The following PRELID2 variants were observed in gnomAD, a reference collection of about 807,000 sequenced individuals.
The protein encoded by PRELID2 is PRELI domain containing 2, also known as PRELI domain-containing protein 2.
A neutral mutation model predicts 28.4 loss-of-function variants in PRELID2; 25 were observed. The observed-to-expected ratio is 0.88, with a 90% confidence interval of 0.64 to 1.23. The LOEUF is 1.23. PRELID2 is among the 50% of genes most tolerant of loss of function. The probability of loss-of-function intolerance (pLI) is 0.00; values close to 1 mark genes in which losing one functional copy is unlikely to be tolerated. For missense variants in PRELID2, 201 were observed against 214.4 expected, an observed-to-expected ratio of 0.94 and a Z score of 0.39; for synonymous variants, 76 against 71.6, an observed-to-expected ratio of 1.06 and a Z score of -0.31.
intron 1 of PRELID2, among the ~76,000 whole-genome samples, chr5:145,683,337 T>C (rs1035795471): frequency 6.6e-6 from 1 of 152,224 alleles, no homozygotes; most frequent in African/African-American, 2.4e-5. Context: ...ACTGTTATTA[T>C]TGAACATGAT....
chr5:145,417,329 G>T, the PRELID2 span, among the ~76,000 whole-genome samples: 1 of 152,002 alleles, frequency 6.6e-6, no homozygotes, highest in South Asian at 2.1e-4. Context: ...ACAAAGAAGA[G>T]CTGTTGCCAT....
At chr5:145,435,697 T>C in the PRELID2 span, among the ~76,000 whole-genome samples, 1 of 152,184 alleles carries the variant, frequency 6.6e-6, no homozygotes, top group Non-Finnish European at 1.5e-5. Flanking sequence ...AAGTTTTATA[T>C]AAAGGGACTT....
chr5:145,260,207 G>A, the PRELID2 span, among the ~76,000 whole-genome samples: 1 of 152,164 alleles, frequency 6.6e-6, no homozygotes, highest in African/African-American at 2.4e-5. Context: ...GCAGAAGCAT[G>A]AGCCAATTAA....
the PRELID2 span, among the ~76,000 whole-genome samples, chr5:145,334,714 T>A: frequency 6.6e-6 from 1 of 152,066 alleles, no homozygotes; most frequent in African/African-American, 2.4e-5. Flanking sequence ...AGACAATCTT[T>A]ATCTTTCCTC....
chr5:145,616,992 C>T (rs577195473), intron 1 of PRELID2, among the ~76,000 whole-genome samples: 16 of 152,264 alleles, frequency 1.1e-4, no homozygotes, highest in African/African-American at 3.9e-4. Flanking sequence ...CAGGGATGTT[C>T]CTTGCTGAGA....
intron 5 of PRELID2, among the ~76,000 whole-genome samples, chr5:145,766,455 G>C (rs962585815): frequency 6.6e-6 from 1 of 152,086 alleles, no homozygotes; most frequent in Non-Finnish European, 1.5e-5. Flanking sequence ...TGGGGACGGA[G>C]GGTAATCAAA....
chr5:145,791,663 G>A (rs1752404035), intron 5 of PRELID2, among the ~76,000 whole-genome samples: 1 of 152,122 alleles, frequency 6.6e-6, no homozygotes, highest in Non-Finnish European at 1.5e-5. Context: ...GGTGACGGCT[G>A]CACAACAATG....
the PRELID2 span, among the ~76,000 whole-genome samples, chr5:145,448,872 G>A: frequency 6.6e-6 from 1 of 152,092 alleles, no homozygotes; most frequent in Non-Finnish European, 1.5e-5. Context: ...TTCTAACTCT[G>A]GCTACTGATC....
In PRELID2 at chr5:145,493,177, T is replaced by C. The variant is rs1439204881; in HGVS notation, n.71-19862A>G. On this transcript the variant is annotated intron_variant and non_coding_transcript_variant, in intron 1 of 2. Coordinates refer to the PRELID2 transcript ENST00000510259. ...GTAGTTGTTCAAATTGATATTTCTA[T>C]GGTGGGATGAGCCCTGGAGAGTTCT... is the stretch of plus-strand genomic sequence containing the variant. 2.7e-5 allele frequency among the ~76,000 whole-genome samples: 4 copies of C among 147,762 alleles called. 1 individual carries two copies. Among genetic ancestry groups the C allele is most frequent in the African/African-American group, 9.8e-5 (4 of 40,900 alleles).
the PRELID2 span, among the ~76,000 whole-genome samples, chr5:145,340,758 C>A: frequency 9.3e-6 from 1 of 107,840 alleles, no homozygotes; most frequent in Non-Finnish European, 1.9e-5. Flanking sequence ...TGAGACCCTG[C>A]CTAAAAATAT....
intron 4 of PRELID2, among the ~76,000 whole-genome samples, chr5:145,817,446 T>TATATATCA (rs551734949): frequency 6.4e-5 from 9 of 140,288 alleles, no homozygotes; most frequent in East Asian, 2.1e-4. Context: ...TATATATATA[T>TATATATCA]ATCACATGGT....
chr5:145,572,845 C>T (rs372331929), intron 1 of PRELID2, among the ~76,000 whole-genome samples: 3 of 152,256 alleles, frequency 2.0e-5, no homozygotes, highest in East Asian at 1.9e-4. Flanking sequence ...TTCACTGAGG[C>T]TGTCTGGAAG....
the PRELID2 span, among the ~76,000 whole-genome samples, chr5:145,374,023 C>T: frequency 2.0e-5 from 3 of 149,056 alleles, no homozygotes; most frequent in Admixed American, 6.8e-5. Flanking sequence ...GATCCTGTCA[C>T]CATGATACCA....
At chr5:145,570,420 G>GA (rs5871935) in intron 1 of PRELID2, among the ~76,000 whole-genome samples, 3,565 of 151,358 alleles carry the variant, frequency 0.024, 151 homozygotes, top group African/African-American at 0.081. Flanking sequence ...TCTCATTTAT[G>GA]AAAAAAAAAT....
chr5:145,316,493 A>C, the PRELID2 span, among the ~76,000 whole-genome samples: 1 of 152,200 alleles, frequency 6.6e-6, no homozygotes, highest in African/African-American at 2.4e-5. Flanking sequence ...CACGCAGCTA[A>C]AAATGTTACC....
At chr5:145,692,582 C>T (rs1295493192) in intron 1 of PRELID2, among the ~76,000 whole-genome samples, 1 of 152,052 alleles carries the variant, frequency 6.6e-6, no homozygotes, top group African/African-American at 2.4e-5. Flanking sequence ...GTTAATTTTG[C>T]ACCATAAACA....
chr5:145,505,927 T>C (rs1052270603), intron 1 of PRELID2, among the ~76,000 whole-genome samples: 4 of 152,146 alleles, frequency 2.6e-5, no homozygotes, highest in Admixed American at 6.6e-5. Flanking sequence ...TCCACTTACA[T>C]GAAATATCTA....
chr5:145,558,491 T>A (rs1752899792), intron 1 of PRELID2, among the ~76,000 whole-genome samples: 1 of 152,206 alleles, frequency 6.6e-6, no homozygotes, highest in Non-Finnish European at 1.5e-5. Context: ...GTAGTTACAA[T>A]TTGCCCTAAG....
chr5:145,331,075 T>C, the PRELID2 span, among the ~76,000 whole-genome samples: 1 of 152,222 alleles, frequency 6.6e-6, no homozygotes, highest in Non-Finnish European at 1.5e-5. Context: ...TCTATGTAGC[T>C]GTGCACTTTT....
Sources: gnomAD v4.1 joint callset for allele counts (sites outside exome capture counted in the v4.1 genomes callset) on GRCh38, gnomAD v4.1.1 for gene constraint, MANE v1.5 for transcripts, NCBI Gene and HGNC (gene_info 2026-07-23, HGNC 2026-07-21) for gene names.